The following CHCHD3 variants were observed in gnomAD, a reference collection of about 807,000 sequenced individuals.
The protein encoded by CHCHD3 is MICOS complex subunit MIC19.
In CHCHD3, 20 loss-of-function variants were observed where a neutral mutation model predicts 38.2. The observed-to-expected ratio is 0.52, with a 90% CI of 0.37 to 0.76. The LOEUF is 0.76. Among genes scored for constraint, CHCHD3 ranks in the 30% least tolerant of loss-of-function variants. CHCHD3 has a pLI of 0.00. For missense variants in CHCHD3, 245 were observed against 279.2 expected, an observed-to-expected ratio of 0.88 and a Z score of 0.87; for synonymous variants, 82 against 100.0, an observed-to-expected ratio of 0.82 and a Z score of 1.07.
intron 4 of CHCHD3, among the ~76,000 whole-genome samples, chr7:132,908,141 A>G (rs1809842532): frequency 6.6e-6 from 1 of 152,196 alleles, no homozygotes; most frequent in Non-Finnish European, 1.5e-5. Flanking sequence ...GAAATTTGGG[A>G]CAAATCATTA....
intron 6 of CHCHD3, among the ~76,000 whole-genome samples, chr7:132,814,148 A>G (rs1218846069): frequency 6.6e-6 from 1 of 152,210 alleles, no homozygotes; most frequent in African/African-American, 2.4e-5. Flanking sequence ...ACACAGTTAA[A>G]GTTCTATTAC....
chr7:132,807,494 G>A (rs908439948), intron 6 of CHCHD3, among the ~76,000 whole-genome samples: 4 of 151,392 alleles, frequency 2.6e-5, no homozygotes, highest in African/African-American at 7.3e-5. Context: ...AATGGAAAAT[G>A]GAATAAGAGT....
At chr7:132,881,166 T>A (rs1166787385) in intron 5 of CHCHD3, among the ~76,000 whole-genome samples, 1 of 152,150 alleles carries the variant, frequency 6.6e-6, no homozygotes, top group Non-Finnish European at 1.5e-5. Context: ...AAGGGTGAAA[T>A]CAGTGTCCAG....
rs1046299897 is a variant in CHCHD3 at position 132,868,279 on chromosome 7, GA to G, written c.453+17382del. Among the ~76,000 whole-genome samples, 5 of 152,162 alleles carry G rather than the reference GA, an allele frequency of 3.3e-5. No individual in the cohort carries two copies. The South Asian group carries it at 6.2e-4, about 19-fold the overall frequency. ...ATAAAAATAAATTTAAATTACAAGA[GA>G]AAAAAATTATTAGATGTTTATACAG... On this transcript the variant is annotated intron_variant, in intron 5 of 7. Coordinates refer to ENST00000262570, the MANE Select transcript of CHCHD3 (RefSeq NM_017812.4).
chr7:132,824,831 G>T (rs1218627089), intron 6 of CHCHD3, among the ~76,000 whole-genome samples: 2 of 152,158 alleles, frequency 1.3e-5, no homozygotes, highest in African/African-American at 4.8e-5. Context: ...ATCTCAAGAT[G>T]AGAAGATCCA....
At chr7:132,885,450 A>G (rs764957243) in intron 5 of CHCHD3, among the ~76,000 whole-genome samples, 10 of 152,186 alleles carry the variant, frequency 6.6e-5, no homozygotes, top group Non-Finnish European at 1.3e-4. Context: ...GGTAAAATGC[A>G]TCAGTGAACA....
chr7:132,826,931 G>A (rs1807522957), intron 6 of CHCHD3, among the ~76,000 whole-genome samples: 2 of 151,830 alleles, frequency 1.3e-5, no homozygotes, highest in African/African-American at 2.4e-5. Flanking sequence ...TTAATGGGGG[G>A]AAAAAAGACT....
intron 7 of CHCHD3, among the ~76,000 whole-genome samples, chr7:132,793,931 G>A (rs138366698): frequency 2.7e-4 from 41 of 152,302 alleles, no homozygotes; most frequent in African/African-American, 6.7e-4. Flanking sequence ...TCTTAACAGG[G>A]GCACAGCTGG....
At chr7:133,040,910 C>T (rs559917530) in intron 2 of CHCHD3, among the ~76,000 whole-genome samples, 77 of 152,254 alleles carry the variant, frequency 5.1e-4, no homozygotes, top group African/African-American at 1.7e-3. Context: ...GGTAAGTAAG[C>T]CATAAAACAA....
chr7:133,054,171 T>C (rs979621621), intron 2 of CHCHD3, among the ~76,000 whole-genome samples: 6 of 152,232 alleles, frequency 3.9e-5, no homozygotes, highest in Non-Finnish European at 8.8e-5. Flanking sequence ...CTTCTGCCAA[T>C]GCTATGCCTA....
Position 133,040,983 on chromosome 7 carries a change from C to T in CHCHD3, c.170-16356G>A, listed in dbSNP as rs548986528. Reference sequence around the variant, plus strand: ...CTAAAATGAGGGCCATGAATTAGATCACCTCGAGTGTCCCTGCTGGTAAAT... The same window carrying T: ...CTAAAATGAGGGCCATGAATTAGATTACCTCGAGTGTCCCTGCTGGTAAAT... On this transcript the variant is annotated intron_variant, in intron 2 of 7. Transcript: ENST00000262570. Among the ~76,000 whole-genome samples, 103 of 152,322 alleles carry T rather than the reference C, an allele frequency of 6.8e-4. 2 individuals are homozygous for T. Among genetic ancestry groups the T allele is most frequent in the African/African-American group, 2.3e-3 (97 of 41,574 alleles).
chr7:132,984,316 C>G (rs1361167363), intron 3 of CHCHD3, among the ~76,000 whole-genome samples: 26 of 151,466 alleles, frequency 1.7e-4, no homozygotes, highest in Admixed American at 1.3e-4. Flanking sequence ...CCGCCAGCCT[C>G]GGCCTCCCGA....
chr7:132,817,640 C>CGAT (rs1807233640), intron 6 of CHCHD3, among the ~76,000 whole-genome samples: 1 of 152,074 alleles, frequency 6.6e-6, no homozygotes, highest in Admixed American at 6.6e-5. Context: ...GGTAATTACT[C>CGAT]GATCACTGAC....
intron 4 of CHCHD3, among the ~76,000 whole-genome samples, chr7:132,939,444 T>C (rs1810710309): frequency 6.6e-6 from 1 of 152,176 alleles, no homozygotes; most frequent in Non-Finnish European, 1.5e-5. Flanking sequence ...AGAGTTACCA[T>C]TGTGTTATAA....
chr7:132,978,224 T>A (rs1811822750), intron 3 of CHCHD3, among the ~76,000 whole-genome samples: 1 of 152,164 alleles, frequency 6.6e-6, no homozygotes. Context: ...AAGCAGTGAT[T>A]TTACGAAATG....
chr7:132,973,079 A>G, intron 4 of CHCHD3: 2 of 985,356 alleles, frequency 2.0e-6, no homozygotes, highest in Non-Finnish European at 2.4e-6. Context: ...GAGTGTGTGT[A>G]TATATTTAAT....
intron 3 of CHCHD3, among the ~76,000 whole-genome samples, chr7:133,018,597 A>G (rs753391117): frequency 6.6e-6 from 1 of 152,218 alleles, no homozygotes; most frequent in Non-Finnish European, 1.5e-5. Flanking sequence ...ATTTGTGTCT[A>G]TGACAGGAAA....
intron 6 of CHCHD3, among the ~76,000 whole-genome samples, chr7:132,802,251 G>A (rs1311587276): frequency 2.0e-5 from 3 of 152,126 alleles, no homozygotes; most frequent in Non-Finnish European, 2.9e-5. Context: ...GTGGCCACGT[G>A]ACAGCTGGTA....
Position 133,035,284 on chromosome 7 carries a change from T to A in CHCHD3, c.170-10657A>T, listed in dbSNP as rs1584661891. On this transcript the variant is annotated intron_variant, in intron 2 of 7. Transcript: ENST00000262570. The surrounding 1 kb of genome is among the most constrained non-coding windows in gnomAD (Gnocchi z 4.7). The stretch of plus-strand genomic sequence containing the variant: ...AACTTTTTAGCATCAAACTGGGCCA[T>A]CTTCTCACACAGTTTCAGTTCCCCC... 6 of 1,612,168 alleles carry A rather than the reference T, an allele frequency of 3.7e-6. No homozygotes were observed. The highest frequency in any genetic ancestry group is 2.7e-5 in the African/African-American group (2 of 74,998).
Sources: gnomAD v4.1 joint callset for allele counts (sites outside exome capture counted in the v4.1 genomes callset) on GRCh38, gnomAD v4.1.1 for gene constraint, Gnocchi (gnomAD v3.1) non-coding constraint, MANE v1.5 for transcripts, NCBI Gene and HGNC (gene_info 2026-07-23, HGNC 2026-07-21) for gene names.